The following ALK variants were observed in gnomAD, a reference collection of about 807,000 sequenced individuals.
ALK encodes ALK tyrosine kinase receptor.
ALK carries 74 observed loss-of-function variants against 163.1 expected under a neutral mutation model. The ratio of observed to expected loss-of-function variants is 0.45; its 90% CI spans 0.38 to 0.55. The LOEUF (loss-of-function observed/expected upper bound fraction) is 0.55. Among genes scored for constraint, ALK ranks in the 20% least tolerant of loss-of-function variants. ALK has a pLI of 0.00. For missense variants in ALK, 2,063 were observed against 2,105.3 expected, an observed-to-expected ratio of 0.98 and a Z score of 0.39; for synonymous variants, 960 against 843.2, an observed-to-expected ratio of 1.14 and a Z score of -2.40.
At chr2:29,756,448 A>G (rs1309326550) in intron 1 of ALK, among the ~76,000 whole-genome samples, 1 of 151,760 alleles carries the variant, frequency 6.6e-6, no homozygotes, top group Non-Finnish European at 1.5e-5. Flanking sequence ...TCCTCTATAT[A>G]CTGTGTTGAT....
rs535816666 is a variant in ALK, at chr2:29,736,064, C to T, written c.668-18367G>A. Among the ~76,000 whole-genome samples, 128 of 152,124 alleles carry T rather than the reference C, an allele frequency of 8.4e-4. 2 individuals are homozygous for T. The highest frequency in any genetic ancestry group is 3.0e-3 in the African/African-American group (126 of 41,430). On this transcript the variant is annotated intron_variant, in intron 1 of 28. Transcript: ENST00000389048. ...CCCATGACAGCATCAGAATGACAGCCCAGGAAGTCTTACTCCAGAGCTTTT... is the reference window on the plus strand; with the variant it reads ...CCCATGACAGCATCAGAATGACAGCTCAGGAAGTCTTACTCCAGAGCTTTT...
intron 3 of ALK, among the ~76,000 whole-genome samples, chr2:29,689,022 C>T (rs909041124): frequency 1.3e-5 from 2 of 152,120 alleles, no homozygotes; most frequent in African/African-American, 4.8e-5. Flanking sequence ...CTCTGAAGGT[C>T]GTCCGTCTCC....
chr2:29,872,774 AG>A (rs1174180195), intron 1 of ALK, among the ~76,000 whole-genome samples: 2 of 152,212 alleles, frequency 1.3e-5, no homozygotes, highest in African/African-American at 4.8e-5. Context: ...ATAATCACTA[AG>A]GTCTCTTATA....
intron 4 of ALK, among the ~76,000 whole-genome samples, chr2:29,385,071 TG>T (rs1006104654): frequency 5.3e-5 from 8 of 150,898 alleles, no homozygotes; most frequent in African/African-American, 1.9e-4. Flanking sequence ...GATTTGATGG[TG>T]GGTTTTGGCT....
intron 3 of ALK, among the ~76,000 whole-genome samples, chr2:29,647,963 T>C (rs1197306194): frequency 6.6e-6 from 1 of 152,132 alleles, no homozygotes; most frequent in Non-Finnish European, 1.5e-5. Flanking sequence ...AAATTAAATA[T>C]GTAGGGATTT....
At chr2:29,729,663 C>A (rs571616170) in intron 1 of ALK, among the ~76,000 whole-genome samples, 1 of 152,214 alleles carries the variant, frequency 6.6e-6, no homozygotes. Context: ...GCTCCCACCC[C>A]CTCCAAATCG....
intron 5 of ALK, among the ~76,000 whole-genome samples, chr2:29,334,896 G>C (rs1486863244): frequency 6.6e-6 from 1 of 152,156 alleles, no homozygotes; most frequent in Admixed American, 6.5e-5. Context: ...CTCAAGTTCT[G>C]TTTTTTATGG....
Position 29,296,899 on chromosome 2 carries a change from A to G in ALK, c.1806T>C (p.Asp602=), listed in dbSNP as rs753871185. 2 of 1,614,156 alleles carry G rather than the reference A, an allele frequency of 1.2e-6. No homozygotes were observed. The highest frequency in any genetic ancestry group is 2.2e-5 in the East Asian group (1 of 44,868). Residue 602 remains aspartate (D), a synonymous_variant, in exon 9 of 29, where the codon GAT becomes GAC. Coordinates refer to ENST00000389048, the MANE Select transcript of ALK (RefSeq NM_004304.5). ...TGCATAGAGCCTACCTGTCAGACAC[A>G]TCGAGGAGAGGCAACACCATCCACT... ...LWQWMVLPLL[D]VSDRFWLQMV... is the part of the protein sequence containing the mutation.
At chr2:29,672,596 T>G (rs1457065801) in intron 3 of ALK, among the ~76,000 whole-genome samples, 2 of 151,416 alleles carry the variant, frequency 1.3e-5, no homozygotes, top group Non-Finnish European at 2.9e-5. Flanking sequence ...TTTGGCTTGG[T>G]TCCAAGTCTT....
chr2:29,338,850 C>T (rs191113973), intron 5 of ALK, among the ~76,000 whole-genome samples: 68 of 152,308 alleles, frequency 4.5e-4, no homozygotes, highest in African/African-American at 1.5e-3. Context: ...TTACTCATTC[C>T]TTTGGGTTGC....
intron 3 of ALK, among the ~76,000 whole-genome samples, chr2:29,624,452 C>T (rs546744419): frequency 1.4e-4 from 22 of 152,274 alleles, no homozygotes; most frequent in Non-Finnish European, 2.6e-4. Flanking sequence ...GAAGGCTCCT[C>T]CTACACCTCC....
At chr2:29,710,006 T>A (rs1224029874) in intron 2 of ALK, among the ~76,000 whole-genome samples, 2 of 152,186 alleles carry the variant, frequency 1.3e-5, no homozygotes, top group African/African-American at 4.8e-5. Flanking sequence ...GTAGCTCTCA[T>A]AATTCCCACG....
At chr2:29,208,081 TC>T (rs1669362428) in intron 25 of ALK, 1 of 454,224 alleles carries the variant, frequency 2.2e-6, no homozygotes, top group South Asian at 1.6e-5. Flanking sequence ...GGTCAGTCTC[TC>T]TCTCCCAAGG....
intron 2 of ALK, among the ~76,000 whole-genome samples, chr2:29,696,970 T>C (rs1249617086): frequency 6.6e-6 from 1 of 150,998 alleles, no homozygotes; most frequent in African/African-American, 2.4e-5. Context: ...TAAAAAACCC[T>C]AGGTGATGGG....
chr2:29,369,394 G>C (rs1264999756), intron 5 of ALK, among the ~76,000 whole-genome samples: 1 of 152,144 alleles, frequency 6.6e-6, no homozygotes, highest in Non-Finnish European at 1.5e-5. Context: ...AATAGCAGAA[G>C]GGGAAAGGGA....
chr2:29,328,473 G>A lies in ALK; in HGVS notation c.1291C>T (p.Pro431Ser), dbSNP rs1667341414. 6.2e-7 allele frequency: 1 copy of A among 1,614,150 alleles called. No homozygotes were observed. Among genetic ancestry groups the A allele is most frequent in the Non-Finnish European group, 8.5e-7 (1 of 1,180,016 alleles). The change falls in exon 6 of 29, where the codon CCA becomes TCA. Residue 431 changes from proline (P) to serine (S), a missense_variant. Transcript: ENST00000389048. ...CTCTGCAGGGCCATCTTGGAGCCTG[G>A]GGATGTTCCTGGAGAGCACACAGAC... The part of the protein sequence containing the change: ...ALKNCSEGTS[P>S]GSKMALQSSF...
chr2:29,694,813 G>C (rs2148289470), intron 3 of ALK, 37 bp downstream of exon 3: 1 of 1,612,282 alleles, frequency 6.2e-7, no homozygotes, highest in East Asian at 2.2e-5. Context: ...GCCTGGCCCT[G>C]ACCCACCCAG....
At chr2:29,202,655 G>T (rs1366949758) in intron 26 of ALK, among the ~76,000 whole-genome samples, 1 of 152,108 alleles carries the variant, frequency 6.6e-6, no homozygotes, top group African/African-American at 2.4e-5. Context: ...ACTCCTTTTT[G>T]TAATTTGCTT....
chr2:29,667,457 C>T (rs1677547684), intron 3 of ALK, among the ~76,000 whole-genome samples: 2 of 151,930 alleles, frequency 1.3e-5, no homozygotes, highest in Admixed American at 6.6e-5. Flanking sequence ...GGGTTTCTCA[C>T]ATATGGCATT....
Sources: gnomAD v4.1 joint callset for allele counts (sites outside exome capture counted in the v4.1 genomes callset) on GRCh38, gnomAD v4.1.1 for gene constraint, MANE v1.5 for transcripts, NCBI Gene and HGNC (gene_info 2026-07-23, HGNC 2026-07-21) for gene names.